Variants in EPHA3 observed in about 807,000 individuals in gnomAD.
The protein encoded by EPHA3 is ephrin type-A receptor 3.
Under a neutral mutation model 107.1 loss-of-function variants are expected in EPHA3, and 42 were observed. The observed-to-expected ratio is 0.39, with a 90% CI of 0.31 to 0.51. The LOEUF is 0.51. Ranked by LOEUF, EPHA3 falls within the 20% of genes least tolerant of loss-of-function variation. EPHA3 has a pLI of 0.78. For missense variants in EPHA3, 1,183 were observed against 1,211.2 expected (o/e 0.98, Z 0.35); for synonymous variants, 461 against 424.8 (o/e 1.09, Z -1.05).
chr3:89,178,989 G>C (rs1464854657), intron 2 of EPHA3, among the ~76,000 whole-genome samples: 1 of 151,738 alleles, frequency 6.6e-6, no homozygotes, highest in African/African-American at 2.4e-5. Flanking sequence ...TATTATTAAT[G>C]TGGGATGTTT....
chr3:89,230,870 C>G (rs577687522), intron 3 of EPHA3, among the ~76,000 whole-genome samples: 43 of 150,748 alleles, frequency 2.9e-4, no homozygotes, highest in Admixed American at 1.1e-3. Context: ...TTGCTTTTAT[C>G]TGCTCCCCAG....
chr3:89,233,296 T>C (rs1344614041), intron 3 of EPHA3, among the ~76,000 whole-genome samples: 1 of 152,178 alleles, frequency 6.6e-6, no homozygotes, highest in Non-Finnish European at 1.5e-5. Flanking sequence ...GTGGAATAGA[T>C]GCAATAATAA....
chr3:89,263,551 G>C (rs903805016), intron 3 of EPHA3, among the ~76,000 whole-genome samples: 11 of 152,136 alleles, frequency 7.2e-5, no homozygotes, highest in Non-Finnish European at 1.5e-4. Context: ...GGGCAGGTAG[G>C]TAATCTTCCC....
In EPHA3 at chr3:89,481,953, C is replaced by G; in HGVS notation, c.*2451C>G. 1 of 226,228 alleles carries G rather than the reference C, an allele frequency of 4.4e-6. No individual in the cohort carries two copies. The highest frequency in any genetic ancestry group is 1.8e-4 in the South Asian group (1 of 5,464). 14.0% of individuals were successfully genotyped at this position (226,228 alleles called of 1,614,324 possible). On this transcript the variant is annotated 3_prime_UTR_variant, in exon 17 of 17. Transcript: ENST00000336596. ...AGTTTATGCTGTGCTAAATATCAAT[C>G]AAGCCATGTATAAATGTGATATGAT...
chr3:89,228,506 A>T (rs1158831193), intron 3 of EPHA3, among the ~76,000 whole-genome samples: 2 of 151,974 alleles, frequency 1.3e-5, no homozygotes. Flanking sequence ...ATTGATTTAC[A>T]TAAAAATTTT....
intron 3 of EPHA3, among the ~76,000 whole-genome samples, chr3:89,275,580 A>C (rs752861353): frequency 6.6e-6 from 1 of 152,226 alleles, no homozygotes; most frequent in South Asian, 2.1e-4. Context: ...GCCTTTCAAA[A>C]TGCAAGTCCA....
intron 3 of EPHA3, among the ~76,000 whole-genome samples, chr3:89,219,703 GTTTTTTGTT>G (rs1704316402): frequency 3.8e-5 from 1 of 26,238 alleles, no homozygotes; most frequent in South Asian, 2.0e-3. Context: ...TTTTTTTTTT[GTTTTTTGTT>G]TTTTTTTTTT....
At chr3:89,274,466 T>C (rs1448418859) in intron 3 of EPHA3, among the ~76,000 whole-genome samples, 1 of 151,930 alleles carries the variant, frequency 6.6e-6, no homozygotes, top group Admixed American at 6.6e-5. Context: ...GAAATTTATT[T>C]AAGTGTAATC....
At chr3:89,358,737 G>A (rs1576334485) in intron 5 of EPHA3, among the ~76,000 whole-genome samples, 1 of 150,542 alleles carries the variant, frequency 6.6e-6, no homozygotes, top group East Asian at 1.9e-4. Context: ...CTAAAGCAGA[G>A]GAAAAAAAGA....
intron 3 of EPHA3, among the ~76,000 whole-genome samples, chr3:89,274,711 G>A (rs1705763165): frequency 6.6e-6 from 1 of 151,898 alleles, no homozygotes. Context: ...TGTACCTTGG[G>A]CTGTCAAAGT....
chr3:89,419,690 G>T (rs906093301), intron 11 of EPHA3, among the ~76,000 whole-genome samples: 1 of 151,310 alleles, frequency 6.6e-6, no homozygotes, highest in South Asian at 2.1e-4. Flanking sequence ...GGGAATTCTC[G>T]GCTATGTAAG....
chr3:89,317,619 T>A (rs962903643), intron 3 of EPHA3, among the ~76,000 whole-genome samples: 1 of 151,778 alleles, frequency 6.6e-6, no homozygotes, highest in African/African-American at 2.4e-5. Flanking sequence ...CAAATAATCA[T>A]TTTTGCAGTA....
At chr3:89,264,738 G>C (rs1229973447) in intron 3 of EPHA3, among the ~76,000 whole-genome samples, 1 of 151,932 alleles carries the variant, frequency 6.6e-6, no homozygotes, top group Non-Finnish European at 1.5e-5. Context: ...AGGCTCTCAG[G>C]AAATATTTAT....
intron 2 of EPHA3, among the ~76,000 whole-genome samples, chr3:89,140,071 G>C (rs1704397893): frequency 6.6e-6 from 1 of 151,794 alleles, no homozygotes; most frequent in Non-Finnish European, 1.5e-5. Context: ...TCTCGTGAAT[G>C]TGTATCCCTT....
At chr3:89,150,591 T>A (rs1013922850) in intron 2 of EPHA3, among the ~76,000 whole-genome samples, 1 of 152,046 alleles carries the variant, frequency 6.6e-6, no homozygotes, top group Non-Finnish European at 1.5e-5. Context: ...GATGCACATA[T>A]ACATATTATT....
At chr3:89,207,609 T>C (rs1239938171) in intron 2 of EPHA3, among the ~76,000 whole-genome samples, 1 of 152,190 alleles carries the variant, frequency 6.6e-6, no homozygotes, top group Non-Finnish European at 1.5e-5. Flanking sequence ...TAATGCATTT[T>C]ATATGCTGTT....
At chr3:89,119,231 A>G (rs1559739521) in intron 1 of EPHA3, among the ~76,000 whole-genome samples, 1 of 152,132 alleles carries the variant, frequency 6.6e-6, no homozygotes, top group Non-Finnish European at 1.5e-5. Context: ...ATGTGAATAT[A>G]TTGGAAACAC....
At chr3:89,253,697 A>G (rs1411937304) in intron 3 of EPHA3, among the ~76,000 whole-genome samples, 2 of 152,174 alleles carry the variant, frequency 1.3e-5, no homozygotes, top group African/African-American at 4.8e-5. Context: ...ATTTTAGCTT[A>G]CACACTGAGT....
At chr3:89,177,877 A>G (rs923381964) in intron 2 of EPHA3, among the ~76,000 whole-genome samples, 2 of 152,094 alleles carry the variant, frequency 1.3e-5, no homozygotes, top group Non-Finnish European at 2.9e-5. Flanking sequence ...CTATTTAAAT[A>G]CTGTGCTGTT....
Sources: gnomAD v4.1 joint callset for allele counts (sites outside exome capture counted in the v4.1 genomes callset) on GRCh38, gnomAD v4.1.1 for gene constraint, MANE v1.5 for transcripts, NCBI Gene and HGNC (gene_info 2026-07-23, HGNC 2026-07-21) for gene names.